The following JAKMIP1 variants were observed in gnomAD, a reference collection of about 807,000 sequenced individuals.
JAKMIP1 encodes janus kinase and microtubule interacting protein 1.
JAKMIP1 carries 33 observed loss-of-function variants against 113.0 expected under a neutral mutation model. The observed-to-expected ratio is 0.29, with a 90% CI of 0.22 to 0.39. The LOEUF is 0.39. JAKMIP1 is among the 10% of genes least tolerant of loss of function. The pLI is 1.00. For synonymous variants in JAKMIP1, 480 were observed against 459.9 expected (o/e 1.04, Z -0.56); for missense variants, 813 against 1,080.5 (o/e 0.75, Z 3.47).
At position 6,126,963 on chromosome 4, in the gene JAKMIP1, ACAC is replaced by A. The variant is rs1157294381; in HGVS notation, c.-147-13969_-147-13967del. ...ACAAACATACTCCCATACAACACAC[ACAC>A]CACACCATACATAGACATCACACAC... is the stretch of plus-strand genomic sequence containing the variant. On this transcript the variant is annotated intron_variant, in intron 1 of 20. Transcript: ENST00000409021. Among the ~76,000 whole-genome samples, 7 of 151,452 alleles carry A rather than the reference ACAC, an allele frequency of 4.6e-5. No individual in the cohort carries two copies. The South Asian group carries it at 8.4e-4, about 18-fold the overall frequency.
Position 6,061,407 on chromosome 4 carries a change from T to A in JAKMIP1, c.1561-900A>T, listed in dbSNP as rs1278319874. Among the ~76,000 whole-genome samples the A allele has an allele frequency of 6.6e-6, 1 of 152,154 alleles. No individual in the cohort carries two copies. The highest frequency in any genetic ancestry group is 2.4e-5 in the African/African-American group (1 of 41,442). On this transcript the variant is annotated intron_variant, in intron 10 of 20. Transcript: ENST00000409021. The surrounding 1 kb of genome is among the most constrained non-coding windows in gnomAD (Gnocchi z 5.3). Reference sequence around the variant, plus strand: ...TGCTGCCCCTGGAACAAACTCCACGTGGGCGTGGCCTCTCCTCTCTGCCTT... The same window carrying A: ...TGCTGCCCCTGGAACAAACTCCACGAGGGCGTGGCCTCTCCTCTCTGCCTT...
intron 3 of JAKMIP1, among the ~76,000 whole-genome samples, chr4:6,103,225 G>T (rs1209941368): frequency 6.6e-6 from 1 of 152,066 alleles, no homozygotes; most frequent in African/African-American, 2.4e-5. Flanking sequence ...TCATGAAGTT[G>T]AATTTTACCA....
At chr4:6,098,838 C>A (rs28883105) in intron 3 of JAKMIP1, among the ~76,000 whole-genome samples, 6 of 152,262 alleles carry the variant, frequency 3.9e-5, no homozygotes, top group African/African-American at 1.4e-4. Context: ...CCTGATCAAC[C>A]CCACACCCGG....
intron 1 of JAKMIP1, 50 bp from the exon 2 acceptor site, chr4:6,113,047 T>C: frequency 2.4e-6 from 2 of 849,720 alleles, no homozygotes; most frequent in South Asian, 3.9e-5. Flanking sequence ...GGTGGGGAGC[T>C]GGTGTCCCTG....
intron 1 of JAKMIP1, among the ~76,000 whole-genome samples, chr4:6,171,430 C>T (rs534405439): frequency 6.6e-6 from 1 of 151,836 alleles, no homozygotes; most frequent in Admixed American, 6.6e-5. Flanking sequence ...CCACTACCAC[C>T]ACTCTCACCA....
At chr4:6,161,133 T>A (rs1371608115) in intron 1 of JAKMIP1, among the ~76,000 whole-genome samples, 1 of 130,856 alleles carries the variant, frequency 7.6e-6, no homozygotes, top group African/African-American at 3.0e-5. Flanking sequence ...TCCCCTGATC[T>A]CCACTCACCT....
chr4:6,048,716 A>G, intron 16 of JAKMIP1, 141 bp downstream of exon 16: 1 of 648,608 alleles, frequency 1.5e-6, no homozygotes, highest in South Asian at 2.0e-5. Flanking sequence ...AAGAGAACGG[A>G]AAGGCATGCA....
chr4:6,054,200 C>G (rs759877013), intron 12 of JAKMIP1, 52 bp from the exon 13 acceptor site: 9 of 1,587,804 alleles, frequency 5.7e-6, no homozygotes, highest in African/African-American at 1.3e-5. Flanking sequence ...CACTGGGGTC[C>G]CCTGGTCACA....
rs114553816 is a variant in JAKMIP1 at position 6,078,872 on chromosome 4, G to A, written c.1302+67C>T. ...CCTCTGTAAAACCTCCCCACTCCACGACCCATCTGCCCTGCAGATCCGTGA... is the reference window on the plus strand; with the variant it reads ...CCTCTGTAAAACCTCCCCACTCCACAACCCATCTGCCCTGCAGATCCGTGA... On this transcript the variant is annotated intron_variant, in intron 8 of 20. Coordinates refer to ENST00000409021, the MANE Select transcript of JAKMIP1 (RefSeq NM_001099433.2). 7.1e-4 allele frequency: 1,074 copies of A among 1,522,008 alleles called. 6 individuals carry two copies. The African/African-American group carries it at 0.013, about 18-fold the overall frequency. The allele number at this position is 1,522,008 out of a possible 1,614,324, so 94.3% of individuals were successfully genotyped here. A position where few individuals can be genotyped will look rare whatever the true frequency, so the allele number is the denominator to read the frequency against.
In JAKMIP1 at chr4:6,158,207, C is replaced by T. The variant is rs7684145; in HGVS notation, c.-148+42046G>A. 0.048 allele frequency among the ~76,000 whole-genome samples: 7,259 copies of T among 152,284 alleles called. 400 individuals carry two copies. The highest frequency in any genetic ancestry group is 0.13 in the African/African-American group (5,207 of 41,542). On this transcript the variant is annotated intron_variant, in intron 1 of 20. Transcript: ENST00000409021. This position sits in a 1 kb window ranked among gnomAD's most constrained non-coding sequence, Gnocchi z 5.3. ...ACCATGCTGTAGGTCATGCAGTGCACGCTCCATACATCCCAACTTTGCCCT... is the reference window on the plus strand; with the variant it reads ...ACCATGCTGTAGGTCATGCAGTGCATGCTCCATACATCCCAACTTTGCCCT...
At chr4:6,096,175 T>C (rs774933485) in intron 3 of JAKMIP1, among the ~76,000 whole-genome samples, 1 of 152,212 alleles carries the variant, frequency 6.6e-6, no homozygotes, top group African/African-American at 2.4e-5. Context: ...GTCTTCTCTT[T>C]TGACACTTAA....
rs74615485 is a variant in JAKMIP1 at position 6,050,410 on chromosome 4, T to C, written c.1908+168A>G. 7.6e-3 allele frequency among the ~76,000 whole-genome samples: 1,161 copies of C among 152,364 alleles called. 12 individuals are homozygous for C. Among genetic ancestry groups the C allele is most frequent in the African/African-American group, 0.027 (1,104 of 41,588 alleles). On this transcript the variant is annotated intron_variant, in intron 14 of 20. Transcript: ENST00000409021. The surrounding 1 kb of genome is among the most constrained non-coding windows in gnomAD (Gnocchi z 7.4). ...GCTGTTTTAAACATATGGGTCAAAATAGAGTCACATTTGGTGACCCTTTAA... is the reference window on the plus strand; with the variant it reads ...GCTGTTTTAAACATATGGGTCAAAACAGAGTCACATTTGGTGACCCTTTAA...
At position 6,140,583 on chromosome 4, in the gene JAKMIP1, C is replaced by A. The variant is rs59576764; in HGVS notation, c.-147-27586G>T. Among the ~76,000 whole-genome samples the A allele has an allele frequency of 2.0e-5, 3 of 152,078 alleles. No individual in the cohort carries two copies. The highest frequency in any genetic ancestry group is 4.4e-5 in the Non-Finnish European group (3 of 68,022). ...CCCGCTAGGTGACAGTGGTTCACAG[C>A]GTAAGGACCTCTGTCCCCACTGCTC... On this transcript the variant is annotated intron_variant, in intron 1 of 20. Coordinates refer to ENST00000409021, the MANE Select transcript of JAKMIP1 (RefSeq NM_001099433.2). The surrounding 1 kb of genome is among the most constrained non-coding windows in gnomAD (Gnocchi z 9.4).
At chr4:6,160,892 CCT>C (rs1386532456) in intron 1 of JAKMIP1, among the ~76,000 whole-genome samples, 2 of 150,552 alleles carry the variant, frequency 1.3e-5, no homozygotes, top group Non-Finnish European at 3.0e-5. Flanking sequence ...ACTCGCCTAC[CCT>C]GACCTCCACT....
chr4:6,042,111 G>A lies in JAKMIP1; in HGVS notation c.2097+48C>T. The stretch of plus-strand genomic sequence containing the variant: ...AGCCTTCCTGCAAATCAACCTCTCT[G>A]AGCTCTTTGAACCCTCTCCCCCACC... On this transcript the variant is annotated intron_variant, in intron 17 of 20. Transcript: ENST00000409021. This position sits in a 1 kb window ranked among gnomAD's most constrained non-coding sequence, Gnocchi z 5.2. 1 of 1,436,954 alleles carries A rather than the reference G, an allele frequency of 7.0e-7. No individual in the cohort carries two copies. The highest frequency in any genetic ancestry group is 9.8e-7 in the Non-Finnish European group (1 of 1,019,716). The allele number at this position is 1,436,954 out of a possible 1,614,324, so 89.0% of individuals were successfully genotyped here. A position where few individuals can be genotyped will look rare whatever the true frequency, so the allele number is the denominator to read the frequency against.
Position 6,187,949 on chromosome 4 carries a change from A to G in JAKMIP1, c.-148+12304T>C, listed in dbSNP as rs1209573008. On this transcript the variant is annotated intron_variant, in intron 1 of 20. Coordinates refer to ENST00000409021, the MANE Select transcript of JAKMIP1 (RefSeq NM_001099433.2). The surrounding 1 kb of genome is among the most constrained non-coding windows in gnomAD (Gnocchi z 4.2). ...CCATTACTGCCTTCTTTTGCACTAA[A>G]TGAATCAGACACCGTGTTTGCCATG... Among the ~76,000 whole-genome samples the G allele has an allele frequency of 6.6e-6, 1 of 152,204 alleles. No homozygotes were observed. The highest frequency in any genetic ancestry group is 1.5e-5 in the Non-Finnish European group (1 of 68,034).
chr4:6,173,073 C>T (rs1386683149), intron 1 of JAKMIP1, among the ~76,000 whole-genome samples: 1 of 152,170 alleles, frequency 6.6e-6, no homozygotes, highest in Non-Finnish European at 1.5e-5. Context: ...AGAAACCAAG[C>T]CCTACAAGAT....
At chr4:6,091,843 C>T (rs922906173) in intron 3 of JAKMIP1, among the ~76,000 whole-genome samples, 4 of 152,148 alleles carry the variant, frequency 2.6e-5, no homozygotes, top group Non-Finnish European at 5.9e-5. Context: ...CTGTGGGACC[C>T]AGGCTATAGC....
intron 16 of JAKMIP1, among the ~76,000 whole-genome samples, chr4:6,048,039 T>G (rs1370020585): frequency 6.6e-6 from 1 of 152,116 alleles, no homozygotes; most frequent in African/African-American, 2.4e-5. Context: ...ACCCTCAAAA[T>G]AAATGCAATT....
Sources: gnomAD v4.1 joint callset for allele counts (sites outside exome capture counted in the v4.1 genomes callset) on GRCh38, gnomAD v4.1.1 for gene constraint, Gnocchi (gnomAD v3.1) non-coding constraint, MANE v1.5 for transcripts, NCBI Gene and HGNC (gene_info 2026-07-23, HGNC 2026-07-21) for gene names.